The following FBXW11 variants were observed in gnomAD, a reference collection of about 807,000 sequenced individuals.
FBXW11 encodes the protein F-box and WD repeat domain containing 11, also known as F-box/WD repeat-containing protein 11.
Under a neutral mutation model 77.6 loss-of-function variants are expected in FBXW11, and 19 were observed. That is an observed-to-expected ratio of 0.24 (90% CI 0.17 to 0.36). The LOEUF (loss-of-function observed/expected upper bound fraction) is 0.36, where lower values mean the gene tolerates loss of function less well. Ranked by LOEUF, FBXW11 falls within the 10% of genes least tolerant of loss-of-function variation. FBXW11 has a pLI of 1.00. For missense variants in FBXW11, 334 were observed against 704.2 expected, an observed-to-expected ratio of 0.47 and a Z score of 5.95; for synonymous variants, 235 against 249.4, an observed-to-expected ratio of 0.94 and a Z score of 0.54.
intron 6 of FBXW11, 51 bp from the exon 7 acceptor site, chr5:171,891,655 A>G (rs760990123): frequency 5.1e-6 from 8 of 1,578,168 alleles, no homozygotes; most frequent in Non-Finnish European, 6.0e-6. Flanking sequence ...AACTTACTCT[A>G]TTAGGTTTCA....
Position 171,893,158 on chromosome 5 carries a change from C to T in FBXW11, c.715-1554G>A, listed in dbSNP as rs554572552. 3.3e-5 allele frequency among the ~76,000 whole-genome samples: 5 copies of T among 151,924 alleles called. No individual in the cohort carries two copies. In the Middle Eastern group the frequency reaches 0.01, roughly 310 times the overall value. The stretch of plus-strand genomic sequence containing the variant: ...TATCGATACACGTATACTTAAAAAG[C>T]GATTATTTCCATCATTTGTGGCCCC... On this transcript the variant is annotated intron_variant, in intron 6 of 13. Transcript: ENST00000517395.
At position 171,891,575 on chromosome 5, in the gene FBXW11, T is replaced by C. The variant is rs1335472458; in HGVS notation, c.744A>G (p.Arg248=). 1 of 1,611,584 alleles carries C rather than the reference T, an allele frequency of 6.2e-7. No individual in the cohort carries two copies. Among genetic ancestry groups the C allele is most frequent in the East Asian group, 2.2e-5 (1 of 44,772 alleles). Residue 248 remains arginine, a synonymous_variant, in exon 7 of 14, where the codon CGA becomes CGG. Transcript: ENST00000517395. ...GGCACTGAATCCTCTGCAAGTTGTG[T>C]CGTCCACACCGCCAGTTAGATTCTA... is the stretch of plus-strand genomic sequence containing the variant. ...ETIESNWRCG[R]HNLQRIQCRS... is the part of the protein sequence containing the mutation.
At chr5:171,925,026 C>A (rs528164114) in intron 2 of FBXW11, among the ~76,000 whole-genome samples, 20 of 152,138 alleles carry the variant, frequency 1.3e-4, no homozygotes, top group Non-Finnish European at 2.1e-4. Context: ...AGGGCCAGGG[C>A]GCTAAGAGCA....
At chr5:171,933,106 G>T (rs1762300059) in intron 2 of FBXW11, among the ~76,000 whole-genome samples, 1 of 145,816 alleles carries the variant, frequency 6.9e-6, no homozygotes, top group Admixed American at 7.0e-5. Context: ...ACTCCAGCCT[G>T]GGAAACAAAG....
At chr5:171,883,302 C>G (rs905842413) in intron 7 of FBXW11, among the ~76,000 whole-genome samples, 40 of 152,114 alleles carry the variant, frequency 2.6e-4, no homozygotes, top group African/African-American at 9.4e-4. Flanking sequence ...GGTAGATACC[C>G]AGTAGTGGGA....
intron 2 of FBXW11, among the ~76,000 whole-genome samples, chr5:171,944,587 A>C (rs928500844): frequency 4.2e-4 from 64 of 150,852 alleles, no homozygotes; most frequent in African/African-American, 1.5e-3. Flanking sequence ...AAAAAAAAAA[A>C]AAAAAAACAA....
chr5:171,867,304 TA>T (rs1278688646), intron 13 of FBXW11, among the ~76,000 whole-genome samples: 1 of 152,120 alleles, frequency 6.6e-6, no homozygotes, highest in Non-Finnish European at 1.5e-5. Flanking sequence ...AGACAATACA[TA>T]AAGGAATGAG....
intron 1 of FBXW11, among the ~76,000 whole-genome samples, chr5:171,961,244 G>A (rs964307197): frequency 6.6e-6 from 1 of 152,162 alleles, no homozygotes; most frequent in South Asian, 2.1e-4. Context: ...TGATGCAACT[G>A]CCAATATCTA....
At position 172,006,554 on chromosome 5, in the gene FBXW11, G is replaced by GGGCGGAGGAGGCGAC. The variant is rs775718883; in HGVS notation, c.-67_-53dup. On this transcript the variant is annotated 5_prime_UTR_variant, in exon 1 of 14. Transcript: ENST00000517395. The stretch of plus-strand genomic sequence containing the variant: ...CTCCCCGCGCAGCAGCGAACGGCCC[G>GGGCGGAGGAGGCGAC]GGCGGAGGAGGCGACGGCGGAGGCG... 41 of 1,460,380 alleles carry GGGCGGAGGAGGCGAC rather than the reference G, an allele frequency of 2.8e-5. No homozygotes were observed. Among genetic ancestry groups the GGGCGGAGGAGGCGAC allele is most frequent in the East Asian group, 8.9e-5 (3 of 33,584 alleles). 90.5% of individuals were successfully genotyped at this position (1,460,380 alleles called of 1,614,324 possible).
chr5:171,885,741 A>G (rs981936359), intron 7 of FBXW11, among the ~76,000 whole-genome samples: 5 of 152,320 alleles, frequency 3.3e-5, no homozygotes, highest in Non-Finnish European at 5.9e-5. Flanking sequence ...ATTTCTTGAC[A>G]TGTACAATAC....
intron 2 of FBXW11, among the ~76,000 whole-genome samples, chr5:171,924,013 C>A (rs1383996381): frequency 1.4e-5 from 2 of 144,946 alleles, no homozygotes; most frequent in East Asian, 4.2e-4. Flanking sequence ...GCAACCTCCG[C>A]CTCCTGGGTT....
chr5:171,909,691 G>A (rs1760760485), intron 4 of FBXW11, among the ~76,000 whole-genome samples: 1 of 151,464 alleles, frequency 6.6e-6, no homozygotes, highest in African/African-American at 2.4e-5. Context: ...CCAGATGTGT[G>A]TGTGTGTGTG....
At position 171,890,340 on chromosome 5, in the gene FBXW11, C is replaced by T. The variant is rs573543118; in HGVS notation, c.852+1127G>A. Among the ~76,000 whole-genome samples the T allele has an allele frequency of 8.8e-4, 134 of 152,048 alleles. 1 individual carries two copies. The highest frequency in any genetic ancestry group is 3.1e-3 in the African/African-American group (129 of 41,478). On this transcript the variant is annotated intron_variant, in intron 7 of 13. Coordinates refer to ENST00000517395, the MANE Select transcript of FBXW11 (RefSeq NM_001378974.1). ...GAGCTCAAGACCAGCCTGGGCAACA[C>T]GGCAAAACACCATCTCTACTAAAAA...
At chr5:171,885,059 G>A (rs113901313) in intron 7 of FBXW11, among the ~76,000 whole-genome samples, 5 of 152,100 alleles carry the variant, frequency 3.3e-5, no homozygotes, top group African/African-American at 7.2e-5. Context: ...CCCTTTATGC[G>A]TGACCAAATG....
At chr5:171,976,064 G>C (rs1429596767) in intron 1 of FBXW11, among the ~76,000 whole-genome samples, 1 of 152,126 alleles carries the variant, frequency 6.6e-6, no homozygotes, top group African/African-American at 2.4e-5. Context: ...GATGGAGAGA[G>C]GGAGGGGAGG....
intron 4 of FBXW11, among the ~76,000 whole-genome samples, chr5:171,909,440 A>G (rs1760744864): frequency 6.6e-6 from 1 of 152,234 alleles, no homozygotes; most frequent in African/African-American, 2.4e-5. Flanking sequence ...CCACAAAATG[A>G]ATAACAGCAA....
In FBXW11 at chr5:171,868,761, A is replaced by C. The variant is rs1757579238; in HGVS notation, c.1566T>G (p.Asp522Glu). The change falls in exon 13 of 14, where the codon GAT (aspartate) becomes GAG (glutamate). Residue 522 changes from aspartate to glutamate, a missense_variant. By Grantham distance (45) the Asp-to-Glu change is conservative. This residue lies in a region of FBXW11 where 4 missense variants were observed against 40.8 expected (regional missense o/e 0.10). Transcript: ENST00000517395. ...GGGAGCTGCTGATGATCTGAAACTC[A>C]TCAAACTGGAGCCGAAACACACGTC... ...HSGRVFRLQF[D>E]EFQIISSSHD... is the part of the protein sequence containing the mutation. The C allele has an allele frequency of 6.2e-7, 1 of 1,613,756 alleles. No homozygotes were observed. The highest frequency in any genetic ancestry group is 8.5e-7 in the Non-Finnish European group (1 of 1,179,904).
At chr5:171,934,315 C>A (rs1294145065) in intron 2 of FBXW11, among the ~76,000 whole-genome samples, 1 of 151,984 alleles carries the variant, frequency 6.6e-6, no homozygotes, top group Non-Finnish European at 1.5e-5. Context: ...AAAATAAAAA[C>A]AAAATTATAA....
At chr5:171,914,692 C>T (rs970324024) in intron 2 of FBXW11, among the ~76,000 whole-genome samples, 1 of 152,154 alleles carries the variant, frequency 6.6e-6, no homozygotes, top group Admixed American at 6.5e-5. Flanking sequence ...GAGGCTCAAC[C>T]TCCGTCATCA....
Sources: gnomAD v4.1 joint callset for allele counts (sites outside exome capture counted in the v4.1 genomes callset) on GRCh38, gnomAD v4.1.1 for gene constraint, gnomAD v4.1.1 regional missense constraint, MANE v1.5 for transcripts, NCBI Gene and HGNC (gene_info 2026-07-23, HGNC 2026-07-21) for gene names.